FXR1: variants seen among roughly 807,000 people sequenced by gnomAD.
The protein encoded by FXR1 is RNA-binding protein FXR1.
FXR1 carries 15 observed loss-of-function variants against 84.0 expected under a neutral mutation model. The ratio of observed to expected loss-of-function variants is 0.18; its 90% CI spans 0.12 to 0.27. FXR1 has a LOEUF of 0.27. Among genes scored for constraint, FXR1 ranks in the 10% least tolerant of loss-of-function variants. FXR1 has a pLI of 1.00. For missense variants in FXR1, 480 were observed against 774.4 expected (o/e 0.62, Z 4.51); for synonymous variants, 245 against 250.7 (o/e 0.98, Z 0.21).
Position 180,978,466 on chromosome 3 carries a change from T to G in FXR1, c.*2174T>G, listed in dbSNP as rs1714430517. Reference sequence around the variant, plus strand: ...AGCCCCACTCCCCAAAGGGTAGCCATTAATTCAGGTAGCCTTTTAAATGTA... The same window carrying G: ...AGCCCCACTCCCCAAAGGGTAGCCAGTAATTCAGGTAGCCTTTTAAATGTA... On this transcript the variant is annotated 3_prime_UTR_variant, in exon 17 of 17. Transcript: ENST00000357559. 6.6e-6 allele frequency: 1 copy of G among 152,000 alleles called. No homozygotes were observed. Among genetic ancestry groups the G allele is most frequent in the South Asian group, 2.1e-4 (1 of 4,822 alleles). The allele number at this position is 152,000 out of a possible 1,614,324, so 9.4% of individuals were successfully genotyped here. A position where few individuals can be genotyped will look rare whatever the true frequency, so the allele number is the denominator to read the frequency against.
In FXR1 at chr3:180,957,928, C is replaced by A; in HGVS notation, c.990C>A (p.Asp330Glu). 7.4e-7 allele frequency: 1 copy of A among 1,356,248 alleles called. No individual in the cohort carries two copies. The highest frequency in any genetic ancestry group is 1.0e-6 in the Non-Finnish European group (1 of 963,840). The allele number at this position is 1,356,248 out of a possible 1,614,324, so 84.0% of individuals were successfully genotyped here. A position where few individuals can be genotyped will look rare whatever the true frequency, so the allele number is the denominator to read the frequency against. The change falls in exon 10 of 17, where the codon GAC (aspartate) becomes GAA (glutamate). Residue 330 changes from aspartate to glutamate, a missense_variant and splice_region_variant. Asp to Glu is a conservative substitution (Grantham distance 45, BLOSUM62 2). Coordinates refer to ENST00000357559, the MANE Select transcript of FXR1 (RefSeq NM_005087.4). ...GDNENKLPRE[D>E]GMVPFVFVGT... ...ATGAAAATAAATTACCCAGAGAAGACGTAAGTATTTAAAATGTAATCTGCC... is the reference window on the plus strand; with the variant it reads ...ATGAAAATAAATTACCCAGAGAAGAAGTAAGTATTTAAAATGTAATCTGCC...
chr3:180,946,392 A>G (rs1305404726), intron 3 of FXR1, among the ~76,000 whole-genome samples: 1 of 152,258 alleles, frequency 6.6e-6, no homozygotes, highest in Non-Finnish European at 1.5e-5. Flanking sequence ...ATTCTACCTT[A>G]CATTTATAAA....
intron 7 of FXR1, among the ~76,000 whole-genome samples, chr3:180,949,888 G>T (rs1722052062): frequency 1.3e-5 from 2 of 152,142 alleles, no homozygotes; most frequent in African/African-American, 2.4e-5. Flanking sequence ...AGAAACTAGG[G>T]ATACTCAGTA....
At chr3:180,976,052 G>A (rs952554522) in intron 16 of FXR1, 70 bp from the exon 17 acceptor site, 2 of 1,162,318 alleles carry the variant, frequency 1.7e-6, no homozygotes, top group Non-Finnish European at 2.5e-6. Context: ...TAGTGTTTAT[G>A]TAGCTGTTTT....
At chr3:180,935,350 A>G (rs551501130) in intron 3 of FXR1, 119 bp downstream of exon 3, 17 of 603,730 alleles carry the variant, frequency 2.8e-5, no homozygotes, top group African/African-American at 1.7e-4. Context: ...TATTCTTTCT[A>G]TTGGTGGTAA....
chr3:180,980,214 G>A lies in FXR1; in HGVS notation c.*3922G>A, dbSNP rs1195557732. The A allele has an allele frequency of 1.3e-5, 2 of 152,002 alleles. No individual in the cohort carries two copies. Among genetic ancestry groups the A allele is most frequent in the Non-Finnish European group, 2.9e-5 (2 of 67,938 alleles). 9.4% of individuals were successfully genotyped at this position (152,002 alleles called of 1,614,324 possible). On this transcript the variant is annotated 3_prime_UTR_variant, in exon 17 of 17. Coordinates refer to ENST00000357559, the MANE Select transcript of FXR1 (RefSeq NM_005087.4). Reference sequence around the variant, plus strand: ...AAGGAGTATGCTGAATTTAAGTGGTGTTTGTTTTACATATGTATCCATCCC... The same window carrying A: ...AAGGAGTATGCTGAATTTAAGTGGTATTTGTTTTACATATGTATCCATCCC...
chr3:180,955,989 A>T (rs555192988), intron 9 of FXR1, among the ~76,000 whole-genome samples: 1 of 152,128 alleles, frequency 6.6e-6, no homozygotes, highest in Non-Finnish European at 1.5e-5. Flanking sequence ...AAGAATTTCT[A>T]TTGGTTGTCA....
chr3:180,940,696 C>T (rs1721034742), intron 3 of FXR1, among the ~76,000 whole-genome samples: 1 of 151,864 alleles, frequency 6.6e-6, no homozygotes, highest in South Asian at 2.1e-4. Flanking sequence ...CCTGCCTCAG[C>T]CTCCCAAGTA....
intron 1 of FXR1, among the ~76,000 whole-genome samples, chr3:180,929,186 T>G (rs1419023877): frequency 6.6e-6 from 1 of 152,202 alleles, no homozygotes; most frequent in African/African-American, 2.4e-5. Flanking sequence ...ATTACAGGCG[T>G]GAGCCACCGC....
intron 16 of FXR1, among the ~76,000 whole-genome samples, 196 bp from the exon 17 acceptor site, chr3:180,975,924 GAT>G (rs763207323): frequency 3.9e-5 from 6 of 152,120 alleles, no homozygotes; most frequent in Non-Finnish European, 5.9e-5. Context: ...AGGTACTAGA[GAT>G]ACAAAGTTGA....
In FXR1 at chr3:180,977,162, AT is replaced by A. The variant is rs918595107; in HGVS notation, c.*877del. On this transcript the variant is annotated 3_prime_UTR_variant, in exon 17 of 17. Coordinates refer to ENST00000357559, the MANE Select transcript of FXR1 (RefSeq NM_005087.4). ...TAAACTTTGATCTTCCATTTGCTGA[AT>A]TTTTTTAACTTTCTACTTTTTACAC... The A allele has an allele frequency of 6.6e-6, 1 of 150,586 alleles. No individual in the cohort carries two copies. Among genetic ancestry groups the A allele is most frequent in the Non-Finnish European group, 1.5e-5 (1 of 67,586 alleles). 9.3% of individuals were successfully genotyped at this position (150,586 alleles called of 1,614,324 possible). A position where few individuals can be genotyped will look rare whatever the true frequency, so the allele number is the denominator to read the frequency against.
Position 180,935,135 on chromosome 3 carries a change from C to T in FXR1, c.105-3C>T, listed in dbSNP as rs190454650. Reference sequence around the variant, plus strand: ...TGTTAATACACCTTTTCTAATCCTTCAGTTGGCAACCAGAACGCCAGGTTC... The same window carrying T: ...TGTTAATACACCTTTTCTAATCCTTTAGTTGGCAACCAGAACGCCAGGTTC... On this transcript the variant is annotated splice_region_variant and splice_polypyrimidine_tract_variant and intron_variant, in intron 2 of 16. Coordinates refer to ENST00000357559, the MANE Select transcript of FXR1 (RefSeq NM_005087.4). 2.2e-5 allele frequency: 32 copies of T among 1,468,436 alleles called. No homozygotes were observed. The East Asian group carries it at 3.9e-4, about 18-fold the overall frequency. 91.0% of individuals were successfully genotyped at this position (1,468,436 alleles called of 1,614,324 possible).
At position 180,980,557 on chromosome 3, in the gene FXR1, C is replaced by T. The variant is rs1469283028; in HGVS notation, c.*4265C>T. 1 of 151,914 alleles carries T rather than the reference C, an allele frequency of 6.6e-6. No homozygotes were observed. The highest frequency in any genetic ancestry group is 1.5e-5 in the Non-Finnish European group (1 of 67,880). The allele number at this position is 151,914 out of a possible 1,614,324, so 9.4% of individuals were successfully genotyped here. A position where few individuals can be genotyped will look rare whatever the true frequency, so the allele number is the denominator to read the frequency against. On this transcript the variant is annotated 3_prime_UTR_variant, in exon 17 of 17. Coordinates refer to ENST00000357559, the MANE Select transcript of FXR1 (RefSeq NM_005087.4). ...TGTTGCTTGGTTGCTTACATTTCAA[C>T]CTCTAGGCTTCCTTTTTCAGCTAAC... is the stretch of plus-strand genomic sequence containing the variant.
At chr3:180,948,586 T>G in intron 5 of FXR1, 91 bp downstream of exon 5, 1 of 1,059,946 alleles carries the variant, frequency 9.4e-7, no homozygotes, top group Non-Finnish European at 1.4e-6. Context: ...CAATCAAACC[T>G]TCTGATGGAA....
intron 10 of FXR1, 27 bp from the exon 11 acceptor site, chr3:180,961,441 T>C: frequency 8.2e-7 from 1 of 1,221,506 alleles, no homozygotes; most frequent in Non-Finnish European, 1.2e-6. Flanking sequence ...TATTAAACAC[T>C]GAATACTTTT....
At chr3:180,934,719 A>G (rs1720329174) in intron 2 of FXR1, among the ~76,000 whole-genome samples, 3 of 152,188 alleles carry the variant, frequency 2.0e-5, no homozygotes, top group Admixed American at 2.0e-4. Flanking sequence ...TGTTTCCTTT[A>G]TTGATAGGTC....
intron 1 of FXR1, among the ~76,000 whole-genome samples, chr3:180,913,069 T>TGGGAGGTGGGGGAGTCGTGAAAGG (rs1717423152): frequency 1.3e-5 from 2 of 152,086 alleles, no homozygotes; most frequent in Non-Finnish European, 2.9e-5. Context: ...GCCCGAGCTC[T>TGGGAGGTGGGGGAGTCGTGAAAGG]GGGAGGTGGG....
intron 1 of FXR1, among the ~76,000 whole-genome samples, chr3:180,917,622 C>T (rs865930274): frequency 6.6e-6 from 1 of 152,084 alleles, no homozygotes; most frequent in Non-Finnish European, 1.5e-5. Flanking sequence ...GGATTTTCTA[C>T]TCTATCTTGC....
intron 9 of FXR1, chr3:180,957,573 C>G (rs1022445168): frequency 8.6e-6 from 3 of 347,120 alleles, no homozygotes; most frequent in East Asian, 9.1e-5. Context: ...TTTGAGAATT[C>G]CTTACATGTG....
Sources: allele counts gnomAD v4.1 joint callset (sites outside exome capture counted in the v4.1 genomes callset), GRCh38; gene constraint gnomAD v4.1.1; transcripts MANE v1.5; gene names NCBI Gene and HGNC (gene_info 2026-07-23, HGNC 2026-07-21).